ESRRG: variants seen among roughly 807,000 people sequenced by gnomAD.
The protein encoded by ESRRG is estrogen-related receptor gamma.
Under a neutral mutation model 44.0 loss-of-function variants are expected in ESRRG, and 13 were observed. The ratio of observed to expected loss-of-function variants is 0.30; its 90% CI spans 0.19 to 0.47. The LOEUF (loss-of-function observed/expected upper bound fraction) is 0.47, where lower values mean the gene tolerates loss of function less well. Among genes scored for constraint, ESRRG ranks in the 20% least tolerant of loss-of-function variants. The pLI is 1.00. For missense variants in ESRRG, 395 were observed against 580.6 expected (o/e 0.68, Z 3.29); for synonymous variants, 215 against 214.6 (o/e 1.00, Z -0.02).
At chr1:216,896,579 T>C (rs2058447709) in intron 2 of ESRRG, among the ~76,000 whole-genome samples, 1 of 152,212 alleles carries the variant, frequency 6.6e-6, no homozygotes, top group Non-Finnish European at 1.5e-5. Flanking sequence ...CCATATTCTT[T>C]AAATCGCTGA....
intron 3 of ESRRG, among the ~76,000 whole-genome samples, chr1:216,647,873 G>T (rs1043823511): frequency 4.6e-5 from 7 of 152,130 alleles, no homozygotes; most frequent in African/African-American, 1.7e-4. Context: ...AGTTCCCATC[G>T]AAGCTGTTGA....
At chr1:216,698,518 CAAAA>C (rs34454248) in intron 1 of ESRRG, among the ~76,000 whole-genome samples, 2 of 73,910 alleles carry the variant, frequency 2.7e-5, no homozygotes, top group Admixed American at 1.7e-4. Context: ...GACTCAGTCT[CAAAA>C]AAAAAAAAAA....
intron 2 of ESRRG, among the ~76,000 whole-genome samples, chr1:216,733,591 A>G (rs943591610): frequency 2.0e-5 from 3 of 152,150 alleles, no homozygotes; most frequent in African/African-American, 7.2e-5. Flanking sequence ...AAAGTTACAT[A>G]TTTATAAATA....
At chr1:217,107,364 C>A (rs907324847) in intron 1 of ESRRG, among the ~76,000 whole-genome samples, 1 of 152,188 alleles carries the variant, frequency 6.6e-6, no homozygotes, top group Non-Finnish European at 1.5e-5. Flanking sequence ...CTTTACCCAG[C>A]ATTCAGGTGA....
chr1:217,072,677 A>C, intron 1 of ESRRG, among the ~76,000 whole-genome samples: 1 of 150,488 alleles, frequency 6.6e-6, no homozygotes, highest in East Asian at 2.1e-4. Context: ...CCTTTAAGAT[A>C]GTTTTACTAT....
intron 3 of ESRRG, among the ~76,000 whole-genome samples, chr1:216,634,109 C>T (rs1220110405): frequency 2.0e-5 from 3 of 152,166 alleles, no homozygotes; most frequent in African/African-American, 4.8e-5. Flanking sequence ...CTACATAGAA[C>T]TATACTGATC....
At chr1:216,685,195 C>T (rs1358410969) in intron 1 of ESRRG, among the ~76,000 whole-genome samples, 2 of 151,912 alleles carry the variant, frequency 1.3e-5, no homozygotes, top group Non-Finnish European at 2.9e-5. Context: ...TCTAACAGCC[C>T]TAGGCAATGG....
chr1:216,592,184 A>G (rs920215684), intron 3 of ESRRG, among the ~76,000 whole-genome samples: 2 of 143,950 alleles, frequency 1.4e-5, no homozygotes, highest in Non-Finnish European at 3.2e-5. Context: ...ATTGCTAGTC[A>G]TGAAAGTCAG....
intron 2 of ESRRG, among the ~76,000 whole-genome samples, chr1:216,853,351 C>T (rs368827117): frequency 5.9e-5 from 9 of 152,170 alleles, no homozygotes; most frequent in African/African-American, 9.7e-5. Flanking sequence ...GATTATGCCA[C>T]GTCCAACTTC....
intron 2 of ESRRG, among the ~76,000 whole-genome samples, chr1:216,793,479 A>G (rs55925510): frequency 0.011 from 1,600 of 152,266 alleles, 18 homozygotes; most frequent in South Asian, 0.019. Flanking sequence ...GAAGAGATCC[A>G]TATGGTGAGA....
chr1:216,623,077 C>CTTTTTTT (rs370657704), intron 3 of ESRRG, among the ~76,000 whole-genome samples: 119 of 88,628 alleles, frequency 1.3e-3, no homozygotes, highest in Non-Finnish European at 1.5e-3. Context: ...AATCATTAAA[C>CTTTTTTT]TTTTTTTTTT....
chr1:216,565,191 T>C (rs1180204295), intron 4 of ESRRG, among the ~76,000 whole-genome samples: 1 of 152,164 alleles, frequency 6.6e-6, no homozygotes, highest in African/African-American at 2.4e-5. Context: ...TAGAGACAAA[T>C]GGAAAGCATC....
chr1:216,896,636 G>C (rs1417268125), intron 2 of ESRRG, among the ~76,000 whole-genome samples: 1 of 152,158 alleles, frequency 6.6e-6, no homozygotes, highest in East Asian at 1.9e-4. Context: ...TTACAGAAAT[G>C]CTACTTTGGG....
At chr1:216,614,740 C>A (rs2061179806) in intron 3 of ESRRG, among the ~76,000 whole-genome samples, 1 of 152,176 alleles carries the variant, frequency 6.6e-6, no homozygotes, top group South Asian at 2.1e-4. Context: ...ATTGCAATGT[C>A]TCTTGGCTAA....
chr1:217,067,449 C>T (rs1046892961), intron 1 of ESRRG, among the ~76,000 whole-genome samples: 1 of 152,188 alleles, frequency 6.6e-6, no homozygotes, highest in Non-Finnish European at 1.5e-5. Flanking sequence ...AATAGCTTGA[C>T]ACTCTAAAAG....
intron 2 of ESRRG, among the ~76,000 whole-genome samples, chr1:216,900,030 G>A (rs1054350210): frequency 5.3e-5 from 8 of 152,012 alleles, no homozygotes; most frequent in Admixed American, 2.0e-4. Flanking sequence ...TTCATCCCTC[G>A]CTTTTGTAAA....
At chr1:216,621,441 T>A (rs2062220481) in intron 3 of ESRRG, among the ~76,000 whole-genome samples, 1 of 152,084 alleles carries the variant, frequency 6.6e-6, no homozygotes, top group Non-Finnish European at 1.5e-5. Flanking sequence ...TGTTGCTAGG[T>A]AAGGAAAAAG....
At chr1:216,523,240 T>G (rs1036140010) in intron 5 of ESRRG, among the ~76,000 whole-genome samples, 1 of 152,146 alleles carries the variant, frequency 6.6e-6, no homozygotes, top group Non-Finnish European at 1.5e-5. Flanking sequence ...CTCAGGCATT[T>G]TGCTTGCAGA....
intron 1 of ESRRG, among the ~76,000 whole-genome samples, chr1:217,038,014 C>T (rs2083214269): frequency 6.6e-6 from 1 of 152,208 alleles, no homozygotes; most frequent in African/African-American, 2.4e-5. Context: ...GCCCCTATGG[C>T]TTTGCAGGGT....
Sources: allele counts gnomAD v4.1 joint callset (sites outside exome capture counted in the v4.1 genomes callset), GRCh38; gene constraint gnomAD v4.1.1; transcripts MANE v1.5; gene names NCBI Gene and HGNC (gene_info 2026-07-23, HGNC 2026-07-21).